Variants in CABIN1 observed in about 807,000 individuals in gnomAD.
CABIN1 encodes calcineurin binding protein 1.
Under a neutral mutation model 227.7 loss-of-function variants are expected in CABIN1, and 133 were observed. The ratio of observed to expected loss-of-function variants is 0.58; its 90% CI spans 0.51 to 0.67. The LOEUF (loss-of-function observed/expected upper bound fraction) is 0.67. Ranked by LOEUF, CABIN1 falls within the 30% of genes least tolerant of loss-of-function variation. The pLI, the probability that CABIN1 is intolerant of heterozygous loss-of-function variation, is 0.00. For synonymous variants in CABIN1, 1,086 were observed against 1,155.1 expected, an observed-to-expected ratio of 0.94 and a Z score of 1.21; for missense variants, 2,408 against 2,852.5, an observed-to-expected ratio of 0.84 and a Z score of 3.55.
chr22:24,088,331 C>T (rs373653535), intron 23 of CABIN1, among the ~76,000 whole-genome samples: 4 of 152,176 alleles, frequency 2.6e-5, no homozygotes, highest in Admixed American at 1.3e-4. Context: ...TACTCTTGGC[C>T]GGGTGTGGTG....
Position 24,050,984 on chromosome 22 carries a change from C to G in CABIN1, c.806+10C>G. ...CCATTCCTTTCTTCACGTAGGTTGTCTAGCGTCTCTGGGAGTGCTGGGTCG... is the reference window on the plus strand; with the variant it reads ...CCATTCCTTTCTTCACGTAGGTTGTGTAGCGTCTCTGGGAGTGCTGGGTCG... On this transcript the variant is annotated intron_variant, in intron 8 of 36. Coordinates refer to ENST00000263119, the MANE Select transcript of CABIN1 (RefSeq NM_012295.4). The G allele has an allele frequency of 6.2e-7, 1 of 1,614,098 alleles. No individual in the cohort carries two copies. The highest frequency in any genetic ancestry group is 1.1e-5 in the South Asian group (1 of 91,074).
chr22:24,079,180 A>G (rs2146947526), intron 19 of CABIN1, among the ~76,000 whole-genome samples: 1 of 152,320 alleles, frequency 6.6e-6, no homozygotes, highest in African/African-American at 2.4e-5. Context: ...GTTATTATTC[A>G]TAACGCATGT....
At chr22:24,036,004 C>T in intron 2 of CABIN1, 85 bp from the exon 3 acceptor site, 1 of 897,314 alleles carries the variant, frequency 1.1e-6, no homozygotes, top group South Asian at 1.3e-5. Flanking sequence ...TATGCTGGAG[C>T]AGAATTGTAT....
chr22:24,043,981 T>A (rs1254800406), intron 6 of CABIN1, among the ~76,000 whole-genome samples: 1 of 152,176 alleles, frequency 6.6e-6, no homozygotes, highest in African/African-American at 2.4e-5. Flanking sequence ...CTTAGCAAAC[T>A]TAGCAAGGCA....
At chr22:24,140,303 G>T (rs1437208917) in intron 29 of CABIN1, among the ~76,000 whole-genome samples, 1 of 152,220 alleles carries the variant, frequency 6.6e-6, no homozygotes, top group African/African-American at 2.4e-5. Context: ...CGTGTAGCAG[G>T]GCTCAGCACT....
intron 16 of CABIN1, among the ~76,000 whole-genome samples, chr22:24,068,474 T>A (rs532148892): frequency 1.0e-3 from 159 of 152,356 alleles, no homozygotes; most frequent in Non-Finnish European, 2.1e-3. Context: ...CAGCTGGATG[T>A]GGCAGGATAC....
intron 28 of CABIN1, 151 bp downstream of exon 28, chr22:24,119,849 C>A: frequency 2.4e-6 from 2 of 830,948 alleles, no homozygotes; most frequent in Non-Finnish European, 3.9e-6. Context: ...GCAGGGCCAG[C>A]CCCAGGAGTG....
intron 1 of CABIN1, among the ~76,000 whole-genome samples, chr22:24,019,855 C>T (rs1352562248): frequency 6.6e-6 from 1 of 151,786 alleles, no homozygotes; most frequent in Non-Finnish European, 1.5e-5. Context: ...CGGGGTTTCT[C>T]CATGTTGGTC....
Position 24,167,046 on chromosome 22 carries a change from T to C in CABIN1, c.5415T>C (p.Ser1805=). 6.5e-7 allele frequency: 1 copy of C among 1,547,048 alleles called. No individual in the cohort carries two copies. Among genetic ancestry groups the C allele is most frequent in the Non-Finnish European group, 8.7e-7 (1 of 1,145,994 alleles). The change falls in exon 32 of 37, where the codon AGT becomes AGC. Residue 1805 remains serine, a synonymous_variant. Transcript: ENST00000263119. ...TELSLEELSI[S]ARQQPTPLTP... is the part of the protein sequence containing the mutation. ...TGTCCCTGGAGGAGCTGAGCATCAG[T>C]GCCCGGCAGCAGCCCACCCCGCTCA...
intron 12 of CABIN1, 57 bp from the exon 13 acceptor site, chr22:24,061,890 C>G (rs1442129580): frequency 2.8e-5 from 36 of 1,273,702 alleles, no homozygotes; most frequent in South Asian, 3.6e-5. Flanking sequence ...CCCTACCCCC[C>G]ACACTGTGAA....
rs200986952 is a variant in CABIN1, at chr22:24,072,522, G to A, written c.2632+12G>A. On this transcript the variant is annotated intron_variant, in intron 18 of 36. Coordinates refer to ENST00000263119, the MANE Select transcript of CABIN1 (RefSeq NM_012295.4). ...CCCAGCGGAGGAAGGTGCACAGGCA[G>A]TGGGTGCAGTGGGGATGAGCTCTGA... 51 of 1,614,042 alleles carry A rather than the reference G, an allele frequency of 3.2e-5. No individual in the cohort carries two copies. In the East Asian group the frequency reaches 9.4e-4, roughly 30 times the overall value.
chr22:24,169,899 A>C (rs756905064), intron 33 of CABIN1, among the ~76,000 whole-genome samples: 1 of 152,222 alleles, frequency 6.6e-6, no homozygotes, highest in African/African-American at 2.4e-5. Context: ...AGGCACATGC[A>C]TATTGGGGCC....
rs546777175 is a variant in CABIN1, at chr22:24,105,016, C to T, written c.4117+6824C>T. ...TGGAGGAAACACACTTAAAGAGACACTGGAAAGTTGCATCTTGTAACTAAA... is the reference window on the plus strand; with the variant it reads ...TGGAGGAAACACACTTAAAGAGACATTGGAAAGTTGCATCTTGTAACTAAA... On this transcript the variant is annotated intron_variant, in intron 26 of 36. Transcript: ENST00000263119. Among the ~76,000 whole-genome samples, 5 of 152,338 alleles carry T rather than the reference C, an allele frequency of 3.3e-5. No individual in the cohort carries two copies. In the East Asian group the frequency reaches 9.6e-4, roughly 29 times the overall value.
At chr22:24,105,235 A>G (rs181407478) in intron 26 of CABIN1, among the ~76,000 whole-genome samples, 259 of 152,226 alleles carry the variant, frequency 1.7e-3, no homozygotes, top group Non-Finnish European at 3.3e-3. Flanking sequence ...GATCCTGCAA[A>G]TCCCACCCTG....
Position 24,032,570 on chromosome 22 carries a change from C to T in CABIN1, c.-74-2874C>T, listed in dbSNP as rs921577971. ...TTCTGAGGAACTGCCATACCTTTTTCCATAGTAGCTGCACCATTTTACATT... is the reference window on the plus strand; with the variant it reads ...TTCTGAGGAACTGCCATACCTTTTTTCATAGTAGCTGCACCATTTTACATT... On this transcript the variant is annotated intron_variant, in intron 1 of 36. Transcript: ENST00000263119. 4.6e-5 allele frequency among the ~76,000 whole-genome samples: 7 copies of T among 152,152 alleles called. No individual in the cohort carries two copies. The East Asian group carries it at 1.3e-3, about 29-fold the overall frequency.
At chr22:24,089,419 G>A (rs894728661) in intron 23 of CABIN1, among the ~76,000 whole-genome samples, 2 of 152,040 alleles carry the variant, frequency 1.3e-5, no homozygotes, top group African/African-American at 4.8e-5. Flanking sequence ...ATTGGCCCAG[G>A]AAGCTCAGGT....
chr22:24,157,318 A>G (rs527749808), intron 29 of CABIN1, among the ~76,000 whole-genome samples: 1 of 152,206 alleles, frequency 6.6e-6, no homozygotes, highest in South Asian at 2.1e-4. Flanking sequence ...CTGGTCTGGA[A>G]ACTCAGTCCT....
chr22:24,043,189 T>C (rs1252745238), intron 6 of CABIN1, 105 bp downstream of exon 6: 3 of 929,632 alleles, frequency 3.2e-6, no homozygotes, highest in Non-Finnish European at 5.1e-6. Context: ...CTGAAGGGGT[T>C]TGCCAGACTG....
At chr22:24,111,574 T>C (rs1209668253) in intron 26 of CABIN1, among the ~76,000 whole-genome samples, 1 of 152,250 alleles carries the variant, frequency 6.6e-6, no homozygotes, top group Admixed American at 6.5e-5. Flanking sequence ...TTGTCTTCCA[T>C]GAAACTGGCC....
Sources: gnomAD v4.1 joint callset for allele counts (sites outside exome capture counted in the v4.1 genomes callset) on GRCh38, gnomAD v4.1.1 for gene constraint, MANE v1.5 for transcripts, NCBI Gene and HGNC (gene_info 2026-07-23, HGNC 2026-07-21) for gene names.